UNC79: variants seen among roughly 807,000 people sequenced by gnomAD.
UNC79 encodes the protein protein unc-79 homolog.
In UNC79, 37 loss-of-function variants were observed where a neutral mutation model predicts 283.1. The ratio of observed to expected loss-of-function variants is 0.13; its 90% confidence interval spans 0.10 to 0.17. The LOEUF (loss-of-function observed/expected upper bound fraction) is 0.17, where lower values mean the gene tolerates loss of function less well. Among genes scored for constraint, UNC79 ranks in the 10% least tolerant of loss-of-function variants. The probability of loss-of-function intolerance (pLI) is 1.00; values close to 1 mark genes in which losing one functional copy is unlikely to be tolerated. For synonymous variants in UNC79, 1,107 were observed against 1,200.2 expected, an observed-to-expected ratio of 0.92 and a Z score of 1.61; for missense variants, 2,272 against 3,211.1, an observed-to-expected ratio of 0.71 and a Z score of 7.07.
At chr14:93,620,712 C>G (rs1156599200) in intron 29 of UNC79, among the ~76,000 whole-genome samples, 180 bp from the exon 31 acceptor site, 1 of 152,216 alleles carries the variant, frequency 6.6e-6, no homozygotes, top group Non-Finnish European at 1.5e-5. Flanking sequence ...ACAGCTTGCT[C>G]TGTCCAATAG....
At chr14:93,368,411 G>C (rs569200777) in intron 1 of UNC79, among the ~76,000 whole-genome samples, 1 of 152,182 alleles carries the variant, frequency 6.6e-6, no homozygotes, top group South Asian at 2.1e-4. Context: ...TGGGGAGAAG[G>C]CATTTTTACT....
chr14:93,575,243 G>A (rs1460650802), intron 17 of UNC79, 45 bp downstream of exon 17: 2 of 1,611,240 alleles, frequency 1.2e-6, no homozygotes, highest in Non-Finnish European at 1.7e-6. Flanking sequence ...TAAAAATCTT[G>A]AAAACCCTTG....
At chr14:93,589,770 GA>G (rs1373915797) in intron 22 of UNC79, among the ~76,000 whole-genome samples, 3 of 152,150 alleles carry the variant, frequency 2.0e-5, no homozygotes, top group Non-Finnish European at 4.4e-5. Context: ...ACTCTCAAGA[GA>G]AAATCTTAAG....
intron 44 of UNC79, chr14:93,689,129 C>G (rs2074480803): frequency 2.4e-6 from 1 of 423,770 alleles, no homozygotes; most frequent in Non-Finnish European, 4.2e-6. Context: ...TTGATTTCAA[C>G]TAGTTAAGTA....
At chr14:93,468,521 A>G (rs1316138276) in intron 2 of UNC79, among the ~76,000 whole-genome samples, 1 of 152,248 alleles carries the variant, frequency 6.6e-6, no homozygotes, top group Non-Finnish European at 1.5e-5. Flanking sequence ...TTCTCACTTC[A>G]AATCTGATTT....
At chr14:93,589,511 G>A (rs1025733538) in intron 22 of UNC79, among the ~76,000 whole-genome samples, 7 of 152,116 alleles carry the variant, frequency 4.6e-5, no homozygotes, top group African/African-American at 1.7e-4. Context: ...TAAAGACAGA[G>A]GCCACTGGGG....
intron 39 of UNC79, among the ~76,000 whole-genome samples, chr14:93,662,368 G>A (rs1244244935): frequency 6.6e-6 from 1 of 152,156 alleles, no homozygotes; most frequent in Non-Finnish European, 1.5e-5. Context: ...ATACCATATG[G>A]AAAAATGAAT....
chr14:93,385,516 C>T (rs1336149733), intron 1 of UNC79, among the ~76,000 whole-genome samples: 1 of 152,038 alleles, frequency 6.6e-6, no homozygotes, highest in Admixed American at 6.6e-5. Context: ...CAGTGACTCA[C>T]GCCTGTAATC....
rs554829630 is a variant in UNC79 at position 93,643,856 on chromosome 14, G to A, written c.6044+159G>A. Among the ~76,000 whole-genome samples the A allele has an allele frequency of 8.5e-5, 13 of 152,250 alleles. No individual in the cohort carries two copies. In the East Asian group the frequency reaches 1.5e-3, roughly 18 times the overall value. On this transcript the variant is annotated intron_variant, in intron 34 of 48. Coordinates refer to ENST00000555664, the Ensembl canonical transcript of UNC79. ...CTAGTTTTAAAAACCAAATAGACTC[G>A]TCTTTCGACTGAATTCTCCAGCTGC...
At chr14:93,660,563 A>ATATGTGTG (rs1203621990) in intron 39 of UNC79, among the ~76,000 whole-genome samples, 19 of 64,768 alleles carry the variant, frequency 2.9e-4, no homozygotes, top group East Asian at 5.5e-4. Flanking sequence ...ATATATATAT[A>ATATGTGTG]TGTGTGTGTG....
At position 93,690,435 on chromosome 14, in the gene UNC79, C is replaced by A; in HGVS notation, c.7272+132C>A. The A allele has an allele frequency of 1.9e-6, 2 of 1,043,804 alleles. No individual in the cohort carries two copies. The highest frequency in any genetic ancestry group is 1.3e-6 in the Non-Finnish European group (1 of 743,148). 64.7% of individuals were successfully genotyped at this position (1,043,804 alleles called of 1,614,324 possible). On this transcript the variant is annotated intron_variant, in intron 45 of 48. Coordinates refer to ENST00000555664, the Ensembl canonical transcript of UNC79. The surrounding 1 kb of genome is among the most constrained non-coding windows in gnomAD (Gnocchi z 4.3). ...CCTCCTGTGGATGTTAGAAACACAA[C>A]TTTGTGCTAATGTCTTATTTAAAGT...
At chr14:93,631,216 C>T (rs572962103) in intron 31 of UNC79, among the ~76,000 whole-genome samples, 2 of 152,214 alleles carry the variant, frequency 1.3e-5, no homozygotes, top group South Asian at 4.1e-4. Flanking sequence ...ACATAAAACA[C>T]GGAACAGGTT....
At chr14:93,619,066 C>T (rs1339624561) in intron 29 of UNC79, among the ~76,000 whole-genome samples, 3 of 152,098 alleles carry the variant, frequency 2.0e-5, no homozygotes, top group African/African-American at 7.3e-5. Flanking sequence ...TGTCCACTGA[C>T]CCTTTATGAG....
At chr14:93,343,539 C>CT (rs1005327960) in intron 1 of UNC79, among the ~76,000 whole-genome samples, 13 of 151,534 alleles carry the variant, frequency 8.6e-5, no homozygotes, top group East Asian at 1.9e-4. Flanking sequence ...GCCTTTGGTT[C>CT]TTTTTTTTTC....
intron 1 of UNC79, among the ~76,000 whole-genome samples, chr14:93,363,326 G>A (rs543976167): frequency 6.6e-5 from 10 of 152,140 alleles, no homozygotes; most frequent in East Asian, 1.9e-4. Context: ...GCTTGAGAGC[G>A]TAATTGTTAA....
chr14:93,529,475 AT>A lies in UNC79; in HGVS notation c.1093+150del, dbSNP rs2060703729. The A allele has an allele frequency of 3.6e-6, 3 of 824,216 alleles. No individual in the cohort carries two copies. The Admixed American group carries it at 9.0e-5, about 25-fold the overall frequency. The allele number at this position is 824,216 out of a possible 1,614,324, so 51.1% of individuals were successfully genotyped here. Reference sequence around the variant, plus strand: ...TTCATTGATATGAAGCATAATATCAATGCCTTGCTTATAATGTACCCACACA... The same window carrying A: ...TTCATTGATATGAAGCATAATATCAAGCCTTGCTTATAATGTACCCACACA... On this transcript the variant is annotated intron_variant, in intron 10 of 48. Transcript: ENST00000555664.
intron 33 of UNC79, 21 bp from the exon 37 acceptor site, chr14:93,643,536 A>T: frequency 1.2e-6 from 2 of 1,613,716 alleles, no homozygotes; most frequent in East Asian, 2.2e-5. Context: ...CATGGAAAGC[A>T]TGTCTCTCTT....
chr14:93,433,662 G>A (rs2055967653), intron 1 of UNC79, among the ~76,000 whole-genome samples: 1 of 152,110 alleles, frequency 6.6e-6, no homozygotes, highest in South Asian at 2.1e-4. Context: ...GACTGAGGAG[G>A]GAGAATTAGG....
At chr14:93,603,668 G>A (rs539509710) in intron 26 of UNC79, among the ~76,000 whole-genome samples, 1 of 152,318 alleles carries the variant, frequency 6.6e-6, no homozygotes, top group African/African-American at 2.4e-5. Context: ...GGCAGCAAAT[G>A]CATTGATGCT....
Sources: allele counts gnomAD v4.1 joint callset (sites outside exome capture counted in the v4.1 genomes callset), GRCh38; gene constraint gnomAD v4.1.1; non-coding constraint Gnocchi (gnomAD v3.1); transcripts MANE v1.5; gene names NCBI Gene and HGNC (gene_info 2026-07-23, HGNC 2026-07-21).